Variants in FCER2 observed in about 807,000 individuals in gnomAD.
FCER2 encodes the protein Fc epsilon receptor II, also known as low affinity immunoglobulin epsilon Fc receptor.
Under a neutral mutation model 49.7 loss-of-function variants are expected in FCER2, and 38 were observed. The observed-to-expected ratio is 0.76, with a 90% CI of 0.59 to 1.00. The LOEUF (loss-of-function observed/expected upper bound fraction) is 1.00, where lower values mean the gene tolerates loss of function less well. Ranked by LOEUF, FCER2 falls within the 50% of genes least tolerant of loss-of-function variation. The probability of loss-of-function intolerance (pLI) is 0.00; values close to 1 mark genes in which losing one functional copy is unlikely to be tolerated. For missense variants in FCER2, 425 were observed against 419.5 expected, an observed-to-expected ratio of 1.01 and a Z score of -0.11; for synonymous variants, 163 against 164.6, an observed-to-expected ratio of 0.99 and a Z score of 0.07.
chr19:7,693,443 A>T (rs113498535), intron 8 of FCER2, among the ~76,000 whole-genome samples: 1,789 of 151,816 alleles, frequency 0.012, 38 homozygotes, highest in African/African-American at 0.041. Flanking sequence ...TTACTGGATC[A>T]AATCTTTCTT....
intron 1 of FCER2, among the ~76,000 whole-genome samples, chr19:7,700,474 A>C (rs2033128570): frequency 6.6e-6 from 1 of 152,048 alleles, no homozygotes; most frequent in Non-Finnish European, 1.5e-5. Flanking sequence ...CTCCTCTGCC[A>C]ATGTCCCCAG....
chr19:7,694,428 G>A lies in FCER2; in HGVS notation c.469+2397C>T, dbSNP rs561097182. ...AAAACCAGGAAGAGGACATTTCTGAGCCCTCAAAGAAAACTTCAGGGGAAG... is the reference window on the plus strand; with the variant it reads ...AAAACCAGGAAGAGGACATTTCTGAACCCTCAAAGAAAACTTCAGGGGAAG... On this transcript the variant is annotated intron_variant, in intron 8 of 10. Coordinates refer to ENST00000597921, the MANE Select transcript of FCER2 (RefSeq NM_001220500.2). Among the ~76,000 whole-genome samples, 94 of 152,298 alleles carry A rather than the reference G, an allele frequency of 6.2e-4. 1 individual carries two copies. The highest frequency in any genetic ancestry group is 2.1e-3 in the African/African-American group (86 of 41,564).
rs752039664 is a variant in FCER2, at chr19:7,689,360, G to A, written c.799C>T (p.Arg267Cys). ...CGGTCGCAGAAGGCGTCGTTCCAGC[G>A]ACCGGAGCCCCGCATCATCACGCAG... The part of the protein sequence containing the change: ...EDCVMMRGSG[R>C]WNDAFCDRKL... The change falls in exon 11 of 11, where the codon CGC (arginine) becomes TGC (cysteine). Residue 267 changes from arginine (R) to cysteine (C), a missense_variant. Coordinates refer to ENST00000597921, the MANE Select transcript of FCER2 (RefSeq NM_001220500.2). The A allele has an allele frequency of 3.7e-6, 6 of 1,610,442 alleles. No individual in the cohort carries two copies. The highest frequency in any genetic ancestry group is 1.1e-5 in the South Asian group (1 of 90,590).
chr19:7,690,297 G>A (rs766292864), intron 9 of FCER2, 32 bp from the exon 10 acceptor site: 9 of 1,608,108 alleles, frequency 5.6e-6, no homozygotes, highest in Non-Finnish European at 6.0e-6. Flanking sequence ...GAGGACTGGA[G>A]ACATGTGCCC....
At chr19:7,694,264 C>T (rs1490338897) in intron 8 of FCER2, among the ~76,000 whole-genome samples, 2 of 152,108 alleles carry the variant, frequency 1.3e-5, no homozygotes, top group African/African-American at 2.4e-5. Flanking sequence ...ATTTGGGAGG[C>T]CAAGATGAGA....
intron 4 of FCER2, among the ~76,000 whole-genome samples, chr19:7,697,891 G>A (rs948837133): frequency 6.6e-6 from 1 of 152,156 alleles, no homozygotes; most frequent in Non-Finnish European, 1.5e-5. Context: ...TTTTACAGAT[G>A]AGGAAATGGA....
chr19:7,696,720 T>G (rs940084024), intron 8 of FCER2, 105 bp downstream of exon 8: 4 of 801,046 alleles, frequency 5.0e-6, no homozygotes, highest in Non-Finnish European at 8.2e-6. Flanking sequence ...CACAAACGTA[T>G]AGACATGCTG....
chr19:7,694,756 G>A (rs2146274481), intron 8 of FCER2, among the ~76,000 whole-genome samples: 1 of 152,222 alleles, frequency 6.6e-6, no homozygotes, highest in African/African-American at 2.4e-5. Context: ...CTTCCCAGAG[G>A]TCAAAGACCA....
At chr19:7,700,013 A>C in intron 1 of FCER2, 168 bp from the exon 2 acceptor site, 2 of 568,476 alleles carry the variant, frequency 3.5e-6, no homozygotes, top group Non-Finnish European at 6.3e-6. Context: ...GTGTGGAGAG[A>C]TAGCAGCCTG....
intron 8 of FCER2, among the ~76,000 whole-genome samples, chr19:7,695,134 TCCCTAC>T (rs2032979379): frequency 6.6e-6 from 1 of 151,960 alleles, no homozygotes; most frequent in Admixed American, 6.6e-5. Flanking sequence ...GTGCACCTGG[TCCCTAC>T]CCCACATTAA....
intron 1 of FCER2, 132 bp downstream of exon 1, chr19:7,701,883 C>T (rs977516404): frequency 1.4e-5 from 2 of 146,026 alleles, no homozygotes; most frequent in African/African-American, 5.1e-5. Context: ...GCCCCCTCAC[C>T]ACCCACCACC....
intron 6 of FCER2, 21 bp downstream of exon 6, chr19:7,697,215 A>ACCCCGAT: frequency 6.2e-7 from 1 of 1,613,142 alleles, no homozygotes; most frequent in South Asian, 1.1e-5. Context: ...TGGCTTCATA[A>ACCCCGAT]CCCCGATCCC....
At position 7,701,015 on chromosome 19, in the gene FCER2, G is replaced by A. The variant is rs556496086; in HGVS notation, c.-86+1000C>T. Among the ~76,000 whole-genome samples, 4 of 151,558 alleles carry A rather than the reference G, an allele frequency of 2.6e-5. No homozygotes were observed. In the South Asian group the frequency reaches 8.3e-4, roughly 32 times the overall value. Reference sequence around the variant, plus strand: ...AGTAGAGACAGGGTTTCACCATATTGATCAGGCTGGTCTCGAACTCCTGAC... The same window carrying A: ...AGTAGAGACAGGGTTTCACCATATTAATCAGGCTGGTCTCGAACTCCTGAC... On this transcript the variant is annotated intron_variant, in intron 1 of 10. Coordinates refer to ENST00000597921, the MANE Select transcript of FCER2 (RefSeq NM_001220500.2).
chr19:7,699,534 G>A, intron 2 of FCER2: 1 of 1,378,756 alleles, frequency 7.3e-7, no homozygotes, highest in Non-Finnish European at 9.6e-7. Flanking sequence ...TCAGAAAAAG[G>A]AGGGGCCCTC....
intron 8 of FCER2, among the ~76,000 whole-genome samples, chr19:7,691,139 T>C (rs879789037): frequency 2.4e-3 from 169 of 70,346 alleles, no homozygotes; most frequent in South Asian, 4.8e-3. Flanking sequence ...ATTTCAACCA[T>C]CGTCATAACC....
chr19:7,697,030 C>A lies in FCER2; in HGVS notation c.362G>T (p.Ser121Ile). Residue 121 changes from serine (S) to isoleucine (I), a missense_variant, in exon 7 of 11, where the codon AGC becomes ATC. Coordinates refer to ENST00000597921, the MANE Select transcript of FCER2 (RefSeq NM_001220500.2). ...WNLNGLQADL[S>I]SFKSQELNER... ...AGCCTCACCCTGGGACTTGAAGCTGCTCAGATCTGCTTGAAGCCCGTTCAG... is the reference window on the plus strand; with the variant it reads ...AGCCTCACCCTGGGACTTGAAGCTGATCAGATCTGCTTGAAGCCCGTTCAG... 6.2e-7 allele frequency: 1 copy of A among 1,606,954 alleles called. No individual in the cohort carries two copies. The highest frequency in any genetic ancestry group is 8.5e-7 in the Non-Finnish European group (1 of 1,176,720).
At chr19:7,690,590 A>AACAGAGGT (rs759995485) in intron 8 of FCER2, 33 bp from the exon 9 acceptor site, 1 of 1,604,670 alleles carries the variant, frequency 6.2e-7, no homozygotes, top group Admixed American at 1.7e-5. Context: ...GGGTGGGGCC[A>AACAGAGGT]ATGGAAGTGC....
chr19:7,695,152 G>C (rs1410298787), intron 8 of FCER2, among the ~76,000 whole-genome samples: 2 of 152,054 alleles, frequency 1.3e-5, no homozygotes, highest in Non-Finnish European at 2.9e-5. Context: ...CCACATTAAG[G>C]GTACAGTGAC....
At chr19:7,699,549 T>G in intron 2 of FCER2, 190 bp downstream of exon 2, 1 of 1,309,196 alleles carries the variant, frequency 7.6e-7, no homozygotes, top group Non-Finnish European at 1.0e-6. Context: ...GCCCTCAATT[T>G]GCCACTCCTT....
Sources: gnomAD v4.1 joint callset for allele counts (sites outside exome capture counted in the v4.1 genomes callset) on GRCh38, gnomAD v4.1.1 for gene constraint, MANE v1.5 for transcripts, NCBI Gene and HGNC (gene_info 2026-07-23, HGNC 2026-07-21) for gene names.